The following ARHGEF7 variants were observed in gnomAD, a reference collection of about 807,000 sequenced individuals.
ARHGEF7 encodes PAK-interacting exchange factor beta.
Under a neutral mutation model 109.8 loss-of-function variants are expected in ARHGEF7, and 33 were observed. The ratio of observed to expected loss-of-function variants is 0.30; its 90% CI spans 0.23 to 0.40. The LOEUF is 0.40. Among genes scored for constraint, ARHGEF7 ranks in the 10% least tolerant of loss-of-function variants. The probability of loss-of-function intolerance (pLI) is 1.00; values close to 1 mark genes in which losing one functional copy is unlikely to be tolerated. For missense variants in ARHGEF7, 938 were observed against 1,098.5 expected, an observed-to-expected ratio of 0.85 and a Z score of 2.07; for synonymous variants, 458 against 424.6, an observed-to-expected ratio of 1.08 and a Z score of -0.97.
At chr13:111,116,665 G>A (rs1273794174) in intron 1 of ARHGEF7, 9 of 152,142 alleles carry the variant, frequency 5.9e-5, no homozygotes, top group African/African-American at 1.9e-4. Context: ...TAGGAAGAAG[G>A]ATTTCAGTTT....
chr13:111,215,515 G>C (rs150610584), intron 4 of ARHGEF7, among the ~76,000 whole-genome samples: 90 of 152,162 alleles, frequency 5.9e-4, no homozygotes, highest in African/African-American at 2.1e-3. Context: ...TTCCACCCTG[G>C]TTTCACTGAG....
chr13:111,148,081 G>A (rs535422481), intron 1 of ARHGEF7, among the ~76,000 whole-genome samples: 2 of 152,354 alleles, frequency 1.3e-5, no homozygotes, highest in South Asian at 4.1e-4. Context: ...CTTCTGTAGT[G>A]CTGAGTCTAC....
rs990775884 is a variant in ARHGEF7, at chr13:111,294,043, T to C, written c.2311+1749T>C. 8 of 985,288 alleles carry C rather than the reference T, an allele frequency of 8.1e-6. No individual in the cohort carries two copies. The African/African-American group carries it at 1.2e-4, about 15-fold the overall frequency. 61.0% of individuals were successfully genotyped at this position (985,288 alleles called of 1,614,324 possible). A position where few individuals can be genotyped will look rare whatever the true frequency, so the allele number is the denominator to read the frequency against. On this transcript the variant is annotated intron_variant, in intron 19 of 21. Transcript: ENST00000646102. ...AGTAGCTACTGAACTGCTCACACCATTGGAAGATTTTGTATTTTCATACCA... is the reference window on the plus strand; with the variant it reads ...AGTAGCTACTGAACTGCTCACACCACTGGAAGATTTTGTATTTTCATACCA...
At chr13:111,158,759 T>C (rs1360372556) in intron 2 of ARHGEF7, among the ~76,000 whole-genome samples, 1 of 152,250 alleles carries the variant, frequency 6.6e-6, no homozygotes. Flanking sequence ...AATAGTTGCA[T>C]GTATTTATGG....
At chr13:111,180,709 T>C (rs901662971) in intron 2 of ARHGEF7, among the ~76,000 whole-genome samples, 2 of 152,182 alleles carry the variant, frequency 1.3e-5, no homozygotes, top group Non-Finnish European at 2.9e-5. Flanking sequence ...AACTTCCAAA[T>C]TGAGAATTAA....
chr13:111,258,128 A>G lies in ARHGEF7; in HGVS notation c.951-9420A>G, dbSNP rs1238024711. ...GGCCTTGCACCACCCTCCCACAGCC[A>G]CAGGCAGTGCAGCCTGCAGCTCCAG... On this transcript the variant is annotated intron_variant, in intron 8 of 21. Coordinates refer to ENST00000646102, the MANE Select transcript of ARHGEF7 (RefSeq NM_001354046.2). This position sits in a 1 kb window ranked among gnomAD's most constrained non-coding sequence, Gnocchi z 4.4. Among the ~76,000 whole-genome samples the G allele has an allele frequency of 6.6e-6, 1 of 152,146 alleles. No individual in the cohort carries two copies. Among genetic ancestry groups the G allele is most frequent in the East Asian group, 1.9e-4 (1 of 5,178 alleles).
rs1434081657 is a variant in ARHGEF7 at position 111,284,433 on chromosome 13, A to G, written c.1950+1070A>G. 3.3e-5 allele frequency among the ~76,000 whole-genome samples: 5 copies of G among 152,036 alleles called. No individual in the cohort carries two copies. In the East Asian group the frequency reaches 9.6e-4, roughly 29 times the overall value. ...ATCATGTGTGCAAGTCAGAATTTCC[A>G]TTTTCTATCATGGGAAGTTACTTGA... is the stretch of plus-strand genomic sequence containing the variant. On this transcript the variant is annotated intron_variant, in intron 16 of 21. Transcript: ENST00000646102.
At chr13:111,149,763 CATACAT>C (rs1327433334) in intron 1 of ARHGEF7, among the ~76,000 whole-genome samples, 1 of 152,208 alleles carries the variant, frequency 6.6e-6, no homozygotes, top group Non-Finnish European at 1.5e-5. Flanking sequence ...ACACAATACA[CATACAT>C]ATACAGTACT....
At chr13:111,177,968 C>T (rs1199266570) in intron 2 of ARHGEF7, among the ~76,000 whole-genome samples, 1 of 152,164 alleles carries the variant, frequency 6.6e-6, no homozygotes, top group Non-Finnish European at 1.5e-5. Context: ...TGGAATAGCT[C>T]ACCTCCTCTT....
intron 4 of ARHGEF7, among the ~76,000 whole-genome samples, chr13:111,212,843 A>G (rs1281235624): frequency 6.6e-6 from 1 of 152,182 alleles, no homozygotes; most frequent in Non-Finnish European, 1.5e-5. Context: ...CTTACAGTTG[A>G]TGGTATGCCA....
chr13:111,277,181 T>C (rs1012255438), intron 12 of ARHGEF7, among the ~76,000 whole-genome samples: 1 of 152,240 alleles, frequency 6.6e-6, no homozygotes, highest in Admixed American at 6.5e-5. Context: ...CTCTCCTTTT[T>C]CTCTGAACCA....
At chr13:111,130,438 G>A (rs2074682915) in intron 1 of ARHGEF7, among the ~76,000 whole-genome samples, 1 of 152,178 alleles carries the variant, frequency 6.6e-6, no homozygotes, top group African/African-American at 2.4e-5. Flanking sequence ...GTTATTTGCT[G>A]TCCCCTACTT....
In ARHGEF7 at chr13:111,286,391, G is replaced by A. The variant is rs143540140; in HGVS notation, c.2044+151G>A. The A allele has an allele frequency of 2.6e-3, 1,699 of 659,746 alleles. 3 individuals carry two copies. Among genetic ancestry groups the A allele is most frequent in the Non-Finnish European group, 3.2e-3 (1,193 of 375,638 alleles). The allele number at this position is 659,746 out of a possible 1,614,324, so 40.9% of individuals were successfully genotyped here. On this transcript the variant is annotated intron_variant, in intron 17 of 21. Transcript: ENST00000646102. ...TGAGGCAGTGATAGGAATAAGCCAC[G>A]TAACATTTACCCAAGCAAGCAGGAG...
chr13:111,262,398 C>CTGTG (rs142880317), intron 8 of ARHGEF7, among the ~76,000 whole-genome samples: 235 of 151,438 alleles, frequency 1.6e-3, no homozygotes, highest in African/African-American at 5.4e-3. Flanking sequence ...CCCCGTGTCC[C>CTGTG]TGTGTGTGTG....
chr13:111,260,092 T>G (rs77683632), intron 8 of ARHGEF7, among the ~76,000 whole-genome samples: 1,868 of 151,974 alleles, frequency 0.012, 30 homozygotes, highest in African/African-American at 0.043. Context: ...TCAAAAACAA[T>G]GAAGCATGCC....
chr13:111,300,739 T>C lies in ARHGEF7; in HGVS notation c.2312-9T>C. On this transcript the variant is annotated splice_polypyrimidine_tract_variant and intron_variant, in intron 19 of 21. Transcript: ENST00000646102. ...CTGAGGTTTATTTATTATTTTTTCA[T>C]GATCCTAGGTTCACGCAAAGAATCT... The C allele has an allele frequency of 5.1e-6, 8 of 1,578,510 alleles. No individual in the cohort carries two copies. Among genetic ancestry groups the C allele is most frequent in the Non-Finnish European group, 6.9e-6 (8 of 1,161,788 alleles).
intron 2 of ARHGEF7, among the ~76,000 whole-genome samples, chr13:111,166,755 A>G (rs2077163994): frequency 6.6e-6 from 1 of 152,222 alleles, no homozygotes; most frequent in Admixed American, 6.5e-5. Context: ...CCATCAGGAT[A>G]TCTGTGAGAT....
intron 2 of ARHGEF7, among the ~76,000 whole-genome samples, chr13:111,204,483 GC>G (rs2081545840): frequency 1.3e-5 from 2 of 152,322 alleles, no homozygotes; most frequent in Admixed American, 1.3e-4. Context: ...TAGTCTTTGG[GC>G]AGTATCTGAG....
intron 1 of ARHGEF7, among the ~76,000 whole-genome samples, chr13:111,138,322 C>CAA (rs368194250): frequency 6.7e-6 from 1 of 149,748 alleles, no homozygotes; most frequent in African/African-American, 2.5e-5. Context: ...TCAAAAAAAA[C>CAA]AAAAAAAAAT....
Sources: allele counts gnomAD v4.1 joint callset (sites outside exome capture counted in the v4.1 genomes callset), GRCh38; gene constraint gnomAD v4.1.1; non-coding constraint Gnocchi (gnomAD v3.1); transcripts MANE v1.5; gene names NCBI Gene and HGNC (gene_info 2026-07-23, HGNC 2026-07-21).